TGM4: variants seen among roughly 807,000 people sequenced by gnomAD.
TGM4 encodes protein-glutamine gamma-glutamyltransferase 4.
TGM4 carries 61 observed loss-of-function variants against 76.3 expected under a neutral mutation model. The observed-to-expected ratio is 0.80, with a 90% CI of 0.65 to 0.99. The LOEUF (loss-of-function observed/expected upper bound fraction) is 0.99. Among genes scored for constraint, TGM4 ranks in the 50% least tolerant of loss-of-function variants. TGM4 has a pLI of 0.00. For synonymous variants in TGM4, 337 were observed against 329.8 expected (o/e 1.02, Z -0.24); for missense variants, 794 against 843.2 (o/e 0.94, Z 0.72).
At chr3:44,890,567 G>T in intron 3 of TGM4, 36 bp from the exon 4 acceptor site, 2 of 1,609,684 alleles carry the variant, frequency 1.2e-6, no homozygotes, top group African/African-American at 1.3e-5. Flanking sequence ...TCTGGCCAGA[G>T]GGGGAGATGT....
intron 2 of TGM4, among the ~76,000 whole-genome samples, 162 bp from the exon 3 acceptor site, chr3:44,887,527 G>A (rs1480886859): frequency 6.6e-6 from 1 of 152,176 alleles, no homozygotes; most frequent in Non-Finnish European, 1.5e-5. Flanking sequence ...TGGGGCAGAA[G>A]GAGGCCCCTG....
chr3:44,911,226 A>C (rs2125761127), intron 12 of TGM4, 44 bp from the exon 13 acceptor site: 1 of 1,612,398 alleles, frequency 6.2e-7, no homozygotes, highest in Non-Finnish European at 8.5e-7. Context: ...TGGTTGGCTC[A>C]TGCATATCTT....
At chr3:44,896,588 T>C (rs552806033) in intron 5 of TGM4, 121 bp from the exon 6 acceptor site, 13 of 825,588 alleles carry the variant, frequency 1.6e-5, no homozygotes, top group East Asian at 7.7e-5. Context: ...TTTATGAGAC[T>C]GTAGGCAGGG....
chr3:44,909,375 T>G (rs2125760279), intron 10 of TGM4, among the ~76,000 whole-genome samples: 1 of 152,342 alleles, frequency 6.6e-6, no homozygotes, highest in Middle Eastern at 3.4e-3. Flanking sequence ...GGTCGGCTTC[T>G]TTTCCCCTCA....
intron 9 of TGM4, among the ~76,000 whole-genome samples, chr3:44,905,420 G>A (rs2125758554): frequency 6.6e-6 from 1 of 152,168 alleles, no homozygotes; most frequent in South Asian, 2.1e-4. Flanking sequence ...TGACATCTCT[G>A]CCTCACTCCT....
In TGM4 at chr3:44,890,684, A is replaced by T; in HGVS notation, c.382A>T (p.Lys128Ter). 1 of 1,614,200 alleles carries T rather than the reference A, an allele frequency of 6.2e-7. No individual in the cohort carries two copies. The highest frequency in any genetic ancestry group is 8.5e-7 in the Non-Finnish European group (1 of 1,180,042). ...CGTGAAAACTGGAAACCACATCCTTAAGTCTGAAGAAAACATCCTATACCT... is the reference window on the plus strand; with the variant it reads ...CGTGAAAACTGGAAACCACATCCTTTAGTCTGAAGAAAACATCCTATACCT... ...LNVKTGNHIL[K>*]SEENILYLLF... The change falls in exon 4 of 14, where the codon AAG becomes TAG. Residue 128 changes from lysine to a stop codon, truncating the protein, a stop_gained. Coordinates refer to ENST00000296125, the MANE Select transcript of TGM4 (RefSeq NM_003241.4). LOFTEE classifies it high-confidence loss of function.
rs373219764 is a variant in TGM4, at chr3:44,892,033, C to T, written c.430+1301C>T. Among the ~76,000 whole-genome samples, 244 of 151,490 alleles carry T rather than the reference C, an allele frequency of 1.6e-3. 1 individual carries two copies. The highest frequency in any genetic ancestry group is 5.5e-3 in the African/African-American group (226 of 41,340). ...CAGCACTTTGGGAGGCCAAGGCAGG[C>T]GGAACACAGGGTCAGGAGATCAAGA... is the stretch of plus-strand genomic sequence containing the variant. On this transcript the variant is annotated intron_variant, in intron 4 of 13. Transcript: ENST00000296125.
intron 4 of TGM4, among the ~76,000 whole-genome samples, chr3:44,891,601 C>T (rs1180457758): frequency 6.6e-6 from 1 of 152,000 alleles, no homozygotes; most frequent in Non-Finnish European, 1.5e-5. Context: ...CTTTACAACC[C>T]CTAAACCCTT....
chr3:44,878,100 G>A (rs1699473685), intron 1 of TGM4, among the ~76,000 whole-genome samples: 1 of 151,822 alleles, frequency 6.6e-6, no homozygotes, highest in Admixed American at 6.6e-5. Flanking sequence ...GCAGTGAGCT[G>A]TGATCACACC....
chr3:44,911,328 C>T lies in TGM4; in HGVS notation c.1835C>T (p.Thr612Ile), dbSNP rs1269955954. The change falls in exon 13 of 14, where the codon ACC becomes ATC. Residue 612 changes from threonine to isoleucine, a missense_variant. Physicochemically the swap from Thr to Ile is moderately conservative, Grantham distance 89. Transcript: ENST00000296125. ...LLVCNCIFKNTLAIPLTDVKF... is the reference protein window; with the variant it reads ...LLVCNCIFKNILAIPLTDVKF... Reference sequence around the variant, plus strand: ...GTCTGCAATTGTATCTTCAAGAATACCCTGGCCATCCCTTTGACTGACGTC... The same window carrying T: ...GTCTGCAATTGTATCTTCAAGAATATCCTGGCCATCCCTTTGACTGACGTC... 1.9e-6 allele frequency: 3 copies of T among 1,614,254 alleles called. No individual in the cohort carries two copies. The highest frequency in any genetic ancestry group is 2.5e-6 in the Non-Finnish European group (3 of 1,180,048).
At position 44,913,860 on chromosome 3, in the gene TGM4, A is replaced by G. The variant is rs943866788; in HGVS notation, c.*135A>G. 1.6e-6 allele frequency: 2 copies of G among 1,269,594 alleles called. No individual in the cohort carries two copies. The highest frequency in any genetic ancestry group is 2.4e-5 in the Admixed American group (1 of 42,188). 78.6% of individuals were successfully genotyped at this position (1,269,594 alleles called of 1,614,324 possible). A position where few individuals can be genotyped will look rare whatever the true frequency, so the allele number is the denominator to read the frequency against. Reference sequence around the variant, plus strand: ...AAGAGCCAGCAGGTCAAAAAGGCCAACACAACCATAAGCAGCCAGACCCAC... The same window carrying G: ...AAGAGCCAGCAGGTCAAAAAGGCCAGCACAACCATAAGCAGCCAGACCCAC... On this transcript the variant is annotated 3_prime_UTR_variant, in exon 14 of 14. Transcript: ENST00000296125.
At position 44,910,093 on chromosome 3, in the gene TGM4, C is replaced by G. The variant is rs755945867; in HGVS notation, c.1331C>G (p.Ser444Cys). 1 of 1,613,538 alleles carries G rather than the reference C, an allele frequency of 6.2e-7. No individual in the cohort carries two copies. The highest frequency in any genetic ancestry group is 1.7e-4 in the Middle Eastern group (1 of 5,914). Reference protein sequence around the residue: ...ITYEYKYPEGSSEERQVMDHA... With the variant: ...ITYEYKYPEGCSEERQVMDHA... ...GCTGCCTTTGTGTCTCTTTCAGGCTCCTCTGAGGAGAGGCAGGTCATGGAT... is the reference window on the plus strand; with the variant it reads ...GCTGCCTTTGTGTCTCTTTCAGGCTGCTCTGAGGAGAGGCAGGTCATGGAT... The change falls in exon 11 of 14, where the codon TCC becomes TGC. Residue 444 changes from serine to cysteine, a missense_variant. Coordinates refer to ENST00000296125, the MANE Select transcript of TGM4 (RefSeq NM_003241.4).
chr3:44,880,517 G>C (rs1329465118), intron 1 of TGM4, among the ~76,000 whole-genome samples: 1 of 152,174 alleles, frequency 6.6e-6, no homozygotes, highest in African/African-American at 2.4e-5. Flanking sequence ...GGTGGCAGTA[G>C]ACTCAGGCAG....
intron 5 of TGM4, 86 bp from the exon 6 acceptor site, chr3:44,896,623 C>T (rs1473174347): frequency 4.8e-6 from 6 of 1,260,202 alleles, no homozygotes; most frequent in Non-Finnish European, 6.9e-6. Flanking sequence ...TACAGGGTGG[C>T]TGTGACATGC....
At chr3:44,875,847 T>C (rs1699445110) in intron 1 of TGM4, among the ~76,000 whole-genome samples, 1 of 152,200 alleles carries the variant, frequency 6.6e-6, no homozygotes, top group South Asian at 2.1e-4. Context: ...GAGTTTTGAA[T>C]TCCTCCTTAG....
Position 44,890,599 on chromosome 3 carries a change from T to C in TGM4, c.301-4T>C. ...ATGTCCACCTTATCTTATGGTTTGC[T>C]CAGGTCACAGTGGCTGTCACCAGTT... is the stretch of plus-strand genomic sequence containing the variant. On this transcript the variant is annotated splice_region_variant and splice_polypyrimidine_tract_variant and intron_variant, in intron 3 of 13. Coordinates refer to ENST00000296125, the MANE Select transcript of TGM4 (RefSeq NM_003241.4). 1 of 1,613,850 alleles carries C rather than the reference T, an allele frequency of 6.2e-7. No homozygotes were observed. The highest frequency in any genetic ancestry group is 8.5e-7 in the Non-Finnish European group (1 of 1,179,860).
In TGM4 at chr3:44,893,630, G is replaced by T. The variant is rs1699734308; in HGVS notation, c.484G>T (p.Asp162Tyr). The part of the protein sequence containing the change: ...EDERKEYILN[D>Y]TGCHYVGAAR... ...CGAGCGCAAAGAGTACATCCTCAAT[G>T]ACACGGGCTGCCATTACGTGGGGGC... The change falls in exon 5 of 14, where the codon GAC (aspartate) becomes TAC (tyrosine). Residue 162 changes from aspartate (D) to tyrosine (Y), a missense_variant. Physicochemically the swap from Asp to Tyr is radical, Grantham distance 160. Coordinates refer to ENST00000296125, the MANE Select transcript of TGM4 (RefSeq NM_003241.4). 1 of 1,613,772 alleles carries T rather than the reference G, an allele frequency of 6.2e-7. No homozygotes were observed. Among genetic ancestry groups the T allele is most frequent in the Non-Finnish European group, 8.5e-7 (1 of 1,179,890 alleles).
In TGM4 at chr3:44,911,128, G is replaced by T. The variant is rs766630343; in HGVS notation, c.1776+1G>T. The T allele has an allele frequency of 5.0e-6, 8 of 1,613,872 alleles. No homozygotes were observed. Among genetic ancestry groups the T allele is most frequent in the Non-Finnish European group, 6.8e-6 (8 of 1,179,804 alleles). On this transcript the variant is annotated splice_donor_variant, in intron 12 of 13. Transcript: ENST00000296125. LOFTEE classifies it high-confidence loss of function. The stretch of plus-strand genomic sequence containing the variant: ...CCAGTACCCTGAGTTCTCTATAGAG[G>T]TGAGCTTCCTGCAGGCCATAAAGGG...
intron 1 of TGM4, among the ~76,000 whole-genome samples, chr3:44,879,132 T>A (rs1353591525): frequency 6.6e-6 from 1 of 151,686 alleles, no homozygotes; most frequent in Non-Finnish European, 1.5e-5. Context: ...AGAAGTTATG[T>A]TTTAAAAAAT....
Sources: allele counts gnomAD v4.1 joint callset (sites outside exome capture counted in the v4.1 genomes callset), GRCh38; gene constraint gnomAD v4.1.1; transcripts MANE v1.5; gene names NCBI Gene and HGNC (gene_info 2026-07-23, HGNC 2026-07-21).